The following AGO3 variants were observed in gnomAD, a reference collection of about 807,000 sequenced individuals.
AGO3 encodes the protein protein argonaute-3.
Under a neutral mutation model 105.5 loss-of-function variants are expected in AGO3, and 16 were observed. The ratio of observed to expected loss-of-function variants is 0.15; its 90% CI spans 0.10 to 0.23. The LOEUF (loss-of-function observed/expected upper bound fraction) is 0.23, where lower values mean the gene tolerates loss of function less well. Among genes scored for constraint, AGO3 ranks in the 10% least tolerant of loss-of-function variants. AGO3 has a pLI of 1.00. For synonymous variants in AGO3, 340 were observed against 367.3 expected (o/e 0.93, Z 0.85); for missense variants, 534 against 1,088.0 (o/e 0.49, Z 7.16).
At chr1:36,034,399 A>G in intron 13 of AGO3, 66 bp downstream of exon 13, 4 of 1,212,722 alleles carry the variant, frequency 3.3e-6, no homozygotes, top group Non-Finnish European at 4.4e-6. Context: ...ATATGACCAT[A>G]TCTAACTACT....
In AGO3 at chr1:36,071,843, G is replaced by T. The variant is rs1643170560; in HGVS notation, c.*16098G>T. 6.6e-6 allele frequency: 1 copy of T among 152,146 alleles called. No individual in the cohort carries two copies. The highest frequency in any genetic ancestry group is 2.4e-5 in the African/African-American group (1 of 41,434). 9.4% of individuals were successfully genotyped at this position (152,146 alleles called of 1,614,324 possible). On this transcript the variant is annotated 3_prime_UTR_variant, in exon 19 of 19. Transcript: ENST00000373191. ...GACTGCCATATTTTAAGAGGAAATT[G>T]AAACTTTATGGTGGAGAATGGATGA... is the stretch of plus-strand genomic sequence containing the variant.
chr1:36,036,078 G>A, intron 13 of AGO3, 99 bp from the exon 14 acceptor site: 1 of 1,064,394 alleles, frequency 9.4e-7, no homozygotes, highest in Non-Finnish European at 1.4e-6. Context: ...GACTTCCTCT[G>A]TGCTGTCAAT....
chr1:36,030,519 A>AAG lies in AGO3; in HGVS notation c.1591+3227_1591+3228dup, dbSNP rs1553169229. On this transcript the variant is annotated intron_variant, in intron 12 of 18. Transcript: ENST00000373191. Reference sequence around the variant, plus strand: ...GACCCTTTCTCAAAAAAAAAAAAAAAAGAGAGAAGAAAAGTACAAATCAAT... The same window carrying AAG: ...GACCCTTTCTCAAAAAAAAAAAAAAAAGAGAGAGAAGAAAAGTACAAATCAAT... Among the ~76,000 whole-genome samples the AAG allele has an allele frequency of 6.8e-3, 1,038 of 151,884 alleles. 11 individuals are homozygous for AAG. Among genetic ancestry groups the AAG allele is most frequent in the African/African-American group, 0.024 (985 of 41,340 alleles).
At chr1:36,051,673 C>T (rs1471706525) in intron 17 of AGO3, among the ~76,000 whole-genome samples, 1 of 151,954 alleles carries the variant, frequency 6.6e-6, no homozygotes, top group Admixed American at 6.6e-5. Flanking sequence ...TGAGCCTGGG[C>T]AACAGAACAA....
chr1:35,938,848 G>GT (rs1015371633), intron 1 of AGO3, among the ~76,000 whole-genome samples: 2 of 151,700 alleles, frequency 1.3e-5, no homozygotes, highest in Non-Finnish European at 2.9e-5. Context: ...TTCACTGCTT[G>GT]TTTTTTTTCA....
Position 36,008,812 on chromosome 1 carries a change from G to A in AGO3, c.881+35G>A. ...GTTTGTCAGAGCAGCGATGGTGTGA[G>A]GCAGCTTGCTCTAGTTAGTGGGGTT... On this transcript the variant is annotated intron_variant, in intron 7 of 18. Transcript: ENST00000373191. The surrounding 1 kb of genome is among the most constrained non-coding windows in gnomAD (Gnocchi z 5.1). The A allele has an allele frequency of 6.2e-7, 1 of 1,613,882 alleles. No individual in the cohort carries two copies. Among genetic ancestry groups the A allele is most frequent in the Non-Finnish European group, 8.5e-7 (1 of 1,179,840 alleles).
intron 13 of AGO3, among the ~76,000 whole-genome samples, 154 bp from the exon 14 acceptor site, chr1:36,036,023 A>T (rs1208948924): frequency 8.3e-6 from 1 of 120,252 alleles, no homozygotes; most frequent in African/African-American, 3.3e-5. Flanking sequence ...ACAGAGCGAG[A>T]CTCCGTCTCA....
At chr1:36,018,223 C>T (rs1203170447) in intron 11 of AGO3, among the ~76,000 whole-genome samples, 3 of 151,794 alleles carry the variant, frequency 2.0e-5, no homozygotes, top group Non-Finnish European at 4.4e-5. Context: ...CTGCCCACCT[C>T]GGCCTCCCAA....
chr1:36,044,270 G>A (rs771814165), intron 17 of AGO3, among the ~76,000 whole-genome samples: 8 of 152,126 alleles, frequency 5.3e-5, no homozygotes, highest in East Asian at 3.9e-4. Flanking sequence ...ACTTGAGCGC[G>A]GAGGCAGAGG....
At chr1:35,936,023 A>G (rs1397740636) in intron 1 of AGO3, among the ~76,000 whole-genome samples, 1 of 152,220 alleles carries the variant, frequency 6.6e-6, no homozygotes, top group African/African-American at 2.4e-5. Context: ...TGTTGAGATG[A>G]ACAGCATTTA....
intron 1 of AGO3, among the ~76,000 whole-genome samples, chr1:35,932,584 GT>G (rs1288578614): frequency 7.0e-6 from 1 of 143,558 alleles, no homozygotes; most frequent in African/African-American, 2.6e-5. Flanking sequence ...TACAAATTTT[GT>G]TACATGGAAG....
rs1643010670 is a variant in AGO3, at chr1:36,060,011, C to G, written c.*4266C>G. 1 of 152,142 alleles carries G rather than the reference C, an allele frequency of 6.6e-6. No individual in the cohort carries two copies. The highest frequency in any genetic ancestry group is 1.5e-5 in the Non-Finnish European group (1 of 68,008). 9.4% of individuals were successfully genotyped at this position (152,142 alleles called of 1,614,324 possible). Reference sequence around the variant, plus strand: ...TTAATAGTGATCTTCTAACAAGTTTCTTGGAAAAACTATCATTCTAAGGGA... The same window carrying G: ...TTAATAGTGATCTTCTAACAAGTTTGTTGGAAAAACTATCATTCTAAGGGA... On this transcript the variant is annotated 3_prime_UTR_variant, in exon 19 of 19. Transcript: ENST00000373191.
chr1:36,021,566 T>G (rs895964877), intron 11 of AGO3, among the ~76,000 whole-genome samples: 2 of 152,200 alleles, frequency 1.3e-5, no homozygotes, highest in Non-Finnish European at 2.9e-5. Flanking sequence ...AAAATAAGCC[T>G]GTTTATTATC....
At position 36,061,179 on chromosome 1, in the gene AGO3, G is replaced by A. The variant is rs910896602; in HGVS notation, c.*5434G>A. ...AAGCTGAGTCCCAGGAAGCAGGGAG[G>A]GGGAGTGTGTGTGTGTGTATATGTA... On this transcript the variant is annotated 3_prime_UTR_variant, in exon 19 of 19. Transcript: ENST00000373191. 4.6e-5 allele frequency: 7 copies of A among 152,082 alleles called. No individual in the cohort carries two copies. The highest frequency in any genetic ancestry group is 1.3e-4 in the Admixed American group (2 of 15,268). The allele number at this position is 152,082 out of a possible 1,614,324, so 9.4% of individuals were successfully genotyped here.
rs374759763 is a variant in AGO3, at chr1:35,972,222, C to T, written c.511C>T (p.Pro171Ser). ...HAVDVVLRHL[P>S]SMKYTPVGRS... The stretch of plus-strand genomic sequence containing the variant: ...CGTTGATGTGGTGCTACGACATCTG[C>T]CCTCCATGAAGTGGGTGCTTCTGCT... Residue 171 changes from proline to serine, a missense_variant, in exon 4 of 19, where the codon CCC becomes TCC. Coordinates refer to ENST00000373191, the MANE Select transcript of AGO3 (RefSeq NM_024852.4). 2 of 1,613,612 alleles carry T rather than the reference C, an allele frequency of 1.2e-6. No homozygotes were observed. Among genetic ancestry groups the T allele is most frequent in the South Asian group, 1.1e-5 (1 of 91,072 alleles).
intron 5 of AGO3, among the ~76,000 whole-genome samples, chr1:36,003,709 A>AAAAAATATATATATATATATATAT: frequency 1.0e-5 from 1 of 99,446 alleles, no homozygotes; most frequent in Non-Finnish European, 1.9e-5. Flanking sequence ...AAAAAAAAAA[A>AAAAAATATATATATATATATATAT]ATATATATAT....
At chr1:35,971,395 G>C (rs921709234) in intron 3 of AGO3, among the ~76,000 whole-genome samples, 4 of 150,920 alleles carry the variant, frequency 2.7e-5, no homozygotes, top group Non-Finnish European at 5.9e-5. Flanking sequence ...CTGACCTCAA[G>C]TGATCAGCCT....
At chr1:35,991,721 C>T (rs1468992404) in intron 5 of AGO3, among the ~76,000 whole-genome samples, 5 of 151,930 alleles carry the variant, frequency 3.3e-5, no homozygotes, top group Admixed American at 1.3e-4. Flanking sequence ...AAAATTCACA[C>T]GTTTTATTTC....
chr1:35,995,974 C>G (rs548039651), intron 5 of AGO3, among the ~76,000 whole-genome samples: 2 of 152,170 alleles, frequency 1.3e-5, no homozygotes, highest in South Asian at 4.1e-4. Context: ...CCACTGCACC[C>G]GGCTAGGATT....
Sources: gnomAD v4.1 joint callset for allele counts (sites outside exome capture counted in the v4.1 genomes callset) on GRCh38, gnomAD v4.1.1 for gene constraint, Gnocchi (gnomAD v3.1) non-coding constraint, MANE v1.5 for transcripts, NCBI Gene and HGNC (gene_info 2026-07-23, HGNC 2026-07-21) for gene names.